MS4A15: variants seen among roughly 807,000 people sequenced by gnomAD.
MS4A15 encodes the protein membrane spanning 4-domains A15, also known as membrane-spanning 4-domains subfamily A member 15.
MS4A15 carries 22 observed loss-of-function variants against 20.6 expected under a neutral mutation model. That is an observed-to-expected ratio of 1.07 (90% CI 0.76 to 1.52). The LOEUF is 1.52. Among genes scored for constraint, MS4A15 ranks in the 40% most tolerant of loss-of-function variants. The pLI is 0.00. For synonymous variants in MS4A15, 129 were observed against 129.3 expected (o/e 1.00, Z 0.02); for missense variants, 312 against 323.0 (o/e 0.97, Z 0.26).
Position 60,770,846 on chromosome 11 carries a change from C to T in MS4A15, c.349-445C>T, listed in dbSNP as rs151057314. Among the ~76,000 whole-genome samples the T allele has an allele frequency of 5.3e-3, 804 of 151,956 alleles. 10 individuals carry two copies. The highest frequency in any genetic ancestry group is 0.029 in the South Asian group (137 of 4,796). Reference sequence around the variant, plus strand: ...TTAGCCTCCCGAGTAGGTGGGATTACAGGTGCACGCCACTCTGCCCAGCTC... The same window carrying T: ...TTAGCCTCCCGAGTAGGTGGGATTATAGGTGCACGCCACTCTGCCCAGCTC... On this transcript the variant is annotated intron_variant, in intron 3 of 6. Transcript: ENST00000405633.
At chr11:60,764,066 A>C in intron 2 of MS4A15, 108 bp downstream of exon 2, 1 of 1,014,696 alleles carries the variant, frequency 9.9e-7, no homozygotes, top group South Asian at 1.6e-5. Flanking sequence ...AATATGTAGT[A>C]ATGACTCAAA....
Position 60,757,048 on chromosome 11 carries a change from G to A in MS4A15, c.-39G>A, listed in dbSNP as rs1853615743. On this transcript the variant is annotated 5_prime_UTR_variant, in exon 1 of 7. Coordinates refer to ENST00000405633, the MANE Select transcript of MS4A15 (RefSeq NM_001098835.2). ...GAAGGAGGAAAACTCATCAATTTTC[G>A]GGGAATCCCGGTAAGGGACAGTCCT... 6.6e-6 allele frequency: 1 copy of A among 152,206 alleles called. No individual in the cohort carries two copies. The highest frequency in any genetic ancestry group is 1.5e-5 in the Non-Finnish European group (1 of 68,052). 9.4% of individuals were successfully genotyped at this position (152,206 alleles called of 1,614,324 possible).
At chr11:60,773,521 G>A (rs763108976) in intron 5 of MS4A15, 37 bp downstream of exon 5, 149 of 1,576,644 alleles carry the variant, frequency 9.5e-5, no homozygotes, top group Non-Finnish European at 1.3e-4. Flanking sequence ...GGGAAAACTT[G>A]GAAAATGATG....
intron 6 of MS4A15, among the ~76,000 whole-genome samples, chr11:60,774,765 C>G (rs964033549): frequency 6.6e-6 from 1 of 152,176 alleles, no homozygotes; most frequent in Non-Finnish European, 1.5e-5. Context: ...AAGGCTGCCT[C>G]GGGCAGGCAA....
At chr11:60,763,466 A>C (rs964641748) in intron 1 of MS4A15, among the ~76,000 whole-genome samples, 3 of 152,210 alleles carry the variant, frequency 2.0e-5, no homozygotes, top group Admixed American at 1.3e-4. Context: ...TCAGAGATTA[A>C]GAGCAAGGCC....
At chr11:60,768,739 C>G (rs1262336156) in intron 3 of MS4A15, among the ~76,000 whole-genome samples, 2 of 152,218 alleles carry the variant, frequency 1.3e-5, no homozygotes, top group Non-Finnish European at 2.9e-5. Flanking sequence ...GAGTGGATTA[C>G]TAACGCTAAA....
rs1853808716 is a variant in MS4A15 at position 60,763,779 on chromosome 11, C to G, written c.46C>G (p.Pro16Ala). Residue 16 changes from proline to alanine, a missense_variant, in exon 2 of 7, where the codon CCA becomes GCA. Pro to Ala is a conservative substitution (Grantham distance 27). Transcript: ENST00000405633. The part of the protein sequence containing the change: ...ASNGVFVVIP[P>A]NNASGLCPPP... ...CAATGGAGTGTTTGTTGTCATCCCGCCAAACAACGCCAGTGGCCTCTGCCC... is the reference window on the plus strand; with the variant it reads ...CAATGGAGTGTTTGTTGTCATCCCGGCAAACAACGCCAGTGGCCTCTGCCC... 4.3e-6 allele frequency: 7 copies of G among 1,612,214 alleles called. No individual in the cohort carries two copies. Among genetic ancestry groups the G allele is most frequent in the Non-Finnish European group, 5.9e-6 (7 of 1,179,910 alleles).
intron 3 of MS4A15, among the ~76,000 whole-genome samples, chr11:60,769,293 C>T (rs753910327): frequency 1.3e-5 from 2 of 152,176 alleles, no homozygotes; most frequent in Non-Finnish European, 2.9e-5. Flanking sequence ...TGTCTGGGGA[C>T]CCCTGAAAGT....
intron 1 of MS4A15, among the ~76,000 whole-genome samples, chr11:60,759,025 A>G (rs1264573317): frequency 6.6e-6 from 1 of 152,234 alleles, no homozygotes; most frequent in Non-Finnish European, 1.5e-5. Flanking sequence ...ACTCATTTAG[A>G]TCTTGCACAT....
intron 3 of MS4A15, among the ~76,000 whole-genome samples, chr11:60,768,715 A>G (rs1853946694): frequency 6.6e-6 from 1 of 152,246 alleles, no homozygotes; most frequent in Non-Finnish European, 1.5e-5. Flanking sequence ...AAATCGAGAG[A>G]TAATGTGCAT....
intron 3 of MS4A15, among the ~76,000 whole-genome samples, chr11:60,770,830 C>T (rs1430586614): frequency 1.3e-5 from 2 of 151,708 alleles, no homozygotes; most frequent in African/African-American, 2.4e-5. Context: ...CTTAGCCTCC[C>T]GAGTAGGTGG....
At chr11:60,771,509 G>A (rs988035677) in intron 4 of MS4A15, 162 bp downstream of exon 4, 1 of 1,536,574 alleles carries the variant, frequency 6.5e-7, no homozygotes. Flanking sequence ...ACCAGACGCA[G>A]ACTGTGCATG....
At chr11:60,764,049 G>A in intron 2 of MS4A15, 91 bp downstream of exon 2, 2 of 1,191,120 alleles carry the variant, frequency 1.7e-6, no homozygotes, top group Admixed American at 2.3e-5. Flanking sequence ...GGAGAAGGCA[G>A]TTAACAAATA....
intron 4 of MS4A15, among the ~76,000 whole-genome samples, chr11:60,772,735 C>T (rs1006114756): frequency 1.3e-5 from 2 of 152,158 alleles, no homozygotes; most frequent in East Asian, 1.9e-4. Flanking sequence ...CCGTCAGGTT[C>T]GGGCTGCACG....
At chr11:60,771,369 CA>C in intron 4 of MS4A15, 22 bp downstream of exon 4, 1 of 1,613,972 alleles carries the variant, frequency 6.2e-7, no homozygotes, top group Non-Finnish European at 8.5e-7. Flanking sequence ...CAGGGGGACC[CA>C]GGGGCGGGGA....
At chr11:60,758,579 G>A (rs571210348) in intron 1 of MS4A15, among the ~76,000 whole-genome samples, 1 of 152,300 alleles carries the variant, frequency 6.6e-6, no homozygotes, top group African/African-American at 2.4e-5. Flanking sequence ...TATTGTAATT[G>A]TGACCTAACC....
intron 3 of MS4A15, among the ~76,000 whole-genome samples, chr11:60,770,319 G>C (rs530322776): frequency 6.6e-6 from 1 of 152,156 alleles, no homozygotes; most frequent in Non-Finnish European, 1.5e-5. Flanking sequence ...ATAAGTTCCG[G>C]CCGGGCACGG....
At chr11:60,764,665 C>T (rs1853836241) in intron 2 of MS4A15, among the ~76,000 whole-genome samples, 1 of 152,224 alleles carries the variant, frequency 6.6e-6, no homozygotes, top group Admixed American at 6.5e-5. Context: ...AATCCCAGCA[C>T]TTTGGGAGGC....
intron 6 of MS4A15, among the ~76,000 whole-genome samples, chr11:60,774,766 G>A (rs562212715): frequency 2.6e-5 from 4 of 152,206 alleles, no homozygotes; most frequent in African/African-American, 4.8e-5. Flanking sequence ...AGGCTGCCTC[G>A]GGCAGGCAAA....
Sources: gnomAD v4.1 joint callset for allele counts (sites outside exome capture counted in the v4.1 genomes callset) on GRCh38, gnomAD v4.1.1 for gene constraint, MANE v1.5 for transcripts, NCBI Gene and HGNC (gene_info 2026-07-23, HGNC 2026-07-21) for gene names.